The following SMIM14 variants were observed in gnomAD, a reference collection of about 807,000 sequenced individuals.
SMIM14 encodes chromosome 4 open reading frame 34.
SMIM14 carries 5 observed loss-of-function variants against 12.6 expected under a neutral mutation model. The ratio of observed to expected loss-of-function variants is 0.40; its 90% CI spans 0.21 to 0.83. The LOEUF is 0.83. Ranked by LOEUF, SMIM14 falls within the 40% of genes least tolerant of loss-of-function variation. The pLI is 0.37. For missense variants in SMIM14, 86 were observed against 119.1 expected, an observed-to-expected ratio of 0.72 and a Z score of 1.29; for synonymous variants, 30 against 40.1, an observed-to-expected ratio of 0.75 and a Z score of 0.95.
At chr4:39,593,705 C>T (rs1420617997) in intron 2 of SMIM14, 1 of 151,034 alleles carries the variant, frequency 6.6e-6, no homozygotes, top group Non-Finnish European at 1.5e-5. Context: ...TCAGCAAAGT[C>T]TCAGGATACA....
intron 1 of SMIM14, among the ~76,000 whole-genome samples, chr4:39,610,279 G>A (rs1714977807): frequency 6.6e-6 from 1 of 152,104 alleles, no homozygotes; most frequent in South Asian, 2.1e-4. Context: ...GAGCCACCGC[G>A]CCTGGTCCAA....
In SMIM14 at chr4:39,561,684, G is replaced by T. The variant is rs570618605; in HGVS notation, c.125-5114C>A. ...CCTGTAGTCCCAGCACTTTGGGAAGGTAAGGCAGGTGCATCACCTGAGGTC... is the reference window on the plus strand; with the variant it reads ...CCTGTAGTCCCAGCACTTTGGGAAGTTAAGGCAGGTGCATCACCTGAGGTC... On this transcript the variant is annotated intron_variant, in intron 3 of 4. Coordinates refer to ENST00000295958, the MANE Select transcript of SMIM14 (RefSeq NM_174921.3). Among the ~76,000 whole-genome samples, 28 of 152,150 alleles carry T rather than the reference G, an allele frequency of 1.8e-4. No homozygotes were observed. The East Asian group carries it at 5.2e-3, about 28-fold the overall frequency.
chr4:39,587,761 G>C lies in SMIM14; in HGVS notation c.76-15298C>G, dbSNP rs188044785. 6.5e-4 allele frequency among the ~76,000 whole-genome samples: 99 copies of C among 152,192 alleles called. 3 individuals carry two copies. The highest frequency in any genetic ancestry group is 5.6e-3 in the Admixed American group (86 of 15,262). On this transcript the variant is annotated intron_variant, in intron 2 of 4. Transcript: ENST00000295958. Reference sequence around the variant, plus strand: ...AGCAAGACCCTGTCAAAGAAGAAAGGAGGAAGAAGGAAGAAGAAAGGAAAG... The same window carrying C: ...AGCAAGACCCTGTCAAAGAAGAAAGCAGGAAGAAGGAAGAAGAAAGGAAAG...
chr4:39,616,651 AAAAAAGAAAAGAAAAAG>A (rs1490579696), intron 1 of SMIM14, among the ~76,000 whole-genome samples: 1 of 151,318 alleles, frequency 6.6e-6, no homozygotes, highest in East Asian at 1.9e-4. Context: ...TAAAAAAAAA[AAAAAAGAAAAGAAAAAG>A]AAAAAAGAAA....
chr4:39,593,450 C>T (rs1714207753), intron 2 of SMIM14: 1 of 152,128 alleles, frequency 6.6e-6, no homozygotes, highest in Non-Finnish European at 1.5e-5. Flanking sequence ...CAATATCATA[C>T]TGAATGGGCA....
chr4:39,597,438 A>ATTTT (rs869157163), intron 2 of SMIM14, among the ~76,000 whole-genome samples: 2 of 116,538 alleles, frequency 1.7e-5, no homozygotes, highest in East Asian at 2.6e-4. Flanking sequence ...CACTGGTGGT[A>ATTTT]TTTTTTTTTT....
chr4:39,581,518 C>CTTTTTTTTTTTTT (rs1432369898), intron 2 of SMIM14, among the ~76,000 whole-genome samples: 5 of 132,094 alleles, frequency 3.8e-5, no homozygotes, highest in South Asian at 2.6e-4. Context: ...TTTTCTTTTT[C>CTTTTTTTTTTTTT]TTTTTTTTTT....
intron 4 of SMIM14, among the ~76,000 whole-genome samples, chr4:39,554,260 G>T (rs113884235): frequency 5.3e-5 from 8 of 152,194 alleles, no homozygotes; most frequent in African/African-American, 4.8e-5. Flanking sequence ...AGCACCTGAG[G>T]TTAGGAGTTC....
chr4:39,616,133 G>T (rs1292981763), intron 1 of SMIM14, among the ~76,000 whole-genome samples: 1 of 152,058 alleles, frequency 6.6e-6, no homozygotes, highest in Non-Finnish European at 1.5e-5. Flanking sequence ...TCCCAATTTT[G>T]TTGTTGTTGT....
At chr4:39,576,196 T>C (rs1248197009) in intron 2 of SMIM14, among the ~76,000 whole-genome samples, 5 of 148,322 alleles carry the variant, frequency 3.4e-5, no homozygotes, top group Non-Finnish European at 7.5e-5. Flanking sequence ...TGCTTGGTCT[T>C]TTTTTTTTTT....
At chr4:39,612,681 G>A (rs1375324663) in intron 1 of SMIM14, among the ~76,000 whole-genome samples, 1 of 152,186 alleles carries the variant, frequency 6.6e-6, no homozygotes, top group African/African-American at 2.4e-5. Context: ...GCTCACTGCA[G>A]CCTCGACTTG....
intron 1 of SMIM14, among the ~76,000 whole-genome samples, chr4:39,609,515 A>G (rs1314967043): frequency 6.6e-6 from 1 of 152,156 alleles, no homozygotes; most frequent in Non-Finnish European, 1.5e-5. Context: ...TTCTAGACAC[A>G]AAGGGAAAAG....
At chr4:39,590,826 A>G (rs548424004) in intron 2 of SMIM14, among the ~76,000 whole-genome samples, 6 of 151,840 alleles carry the variant, frequency 4.0e-5, no homozygotes, top group Non-Finnish European at 7.4e-5. Flanking sequence ...AAAATTCCAT[A>G]GTTATCACGG....
intron 1 of SMIM14, among the ~76,000 whole-genome samples, chr4:39,609,138 G>A (rs763975948): frequency 1.0e-4 from 15 of 149,738 alleles, no homozygotes; most frequent in Admixed American, 7.9e-4. Flanking sequence ...CACCATGCCC[G>A]GCTAATTTTT....
At chr4:39,562,112 G>A (rs745926542) in intron 3 of SMIM14, among the ~76,000 whole-genome samples, 15 of 151,974 alleles carry the variant, frequency 9.9e-5, no homozygotes, top group Non-Finnish European at 1.9e-4. Context: ...AGTGGCTCAT[G>A]GCTGTGATCT....
chr4:39,603,266 A>C (rs1477130955), intron 2 of SMIM14, among the ~76,000 whole-genome samples: 1 of 152,186 alleles, frequency 6.6e-6, no homozygotes, highest in Non-Finnish European at 1.5e-5. Context: ...AAAAAGTATA[A>C]AGTATAATAT....
intron 2 of SMIM14, among the ~76,000 whole-genome samples, chr4:39,575,084 T>G (rs562159077): frequency 8.6e-4 from 129 of 149,466 alleles, no homozygotes; most frequent in South Asian, 1.7e-3. Context: ...AAATAGTTTT[T>G]TTTTTTTTTT....
chr4:39,587,645 C>A (rs1017473830), intron 2 of SMIM14, among the ~76,000 whole-genome samples: 1 of 151,038 alleles, frequency 6.6e-6, no homozygotes, highest in African/African-American at 2.5e-5. Flanking sequence ...GTGGCTCATG[C>A]CTGTAATCCT....
At chr4:39,601,738 G>C (rs1172338785) in intron 2 of SMIM14, among the ~76,000 whole-genome samples, 1 of 152,108 alleles carries the variant, frequency 6.6e-6, no homozygotes, top group African/African-American at 2.4e-5. Flanking sequence ...CTTGAGGCCA[G>C]GAGTTCGAGA....
Sources: gnomAD v4.1 joint callset for allele counts (sites outside exome capture counted in the v4.1 genomes callset) on GRCh38, gnomAD v4.1.1 for gene constraint, MANE v1.5 for transcripts, NCBI Gene and HGNC (gene_info 2026-07-23, HGNC 2026-07-21) for gene names.